COG6: variants seen among roughly 807,000 people sequenced by gnomAD.
The protein encoded by COG6 is component of oligomeric golgi complex 6, also known as conserved oligomeric Golgi complex subunit 6.
A neutral mutation model predicts 88.8 loss-of-function variants in COG6; 74 were observed. The observed-to-expected ratio is 0.83, with a 90% CI of 0.69 to 1.01. The LOEUF is 1.01. COG6 is among the 50% of genes least tolerant of loss of function. COG6 has a pLI of 0.00. For missense variants in COG6, 800 were observed against 797.9 expected (o/e 1.00, Z -0.03); for synonymous variants, 286 against 278.7 (o/e 1.03, Z -0.26).
chr13:39,713,328 C>T (rs1281265326), intron 13 of COG6, among the ~76,000 whole-genome samples: 1 of 152,166 alleles, frequency 6.6e-6, no homozygotes, highest in African/African-American at 2.4e-5. Flanking sequence ...TAGTATTTGG[C>T]CTCCACAGCC....
intron 18 of COG6, among the ~76,000 whole-genome samples, chr13:39,763,078 T>G (rs1173887907): frequency 6.6e-6 from 1 of 151,792 alleles, no homozygotes; most frequent in African/African-American, 2.4e-5. Flanking sequence ...ATGTGATGAA[T>G]TATATTTATA....
At chr13:39,694,100 G>T (rs1157462547) in intron 11 of COG6, among the ~76,000 whole-genome samples, 1 of 151,768 alleles carries the variant, frequency 6.6e-6, no homozygotes, top group Non-Finnish European at 1.5e-5. Context: ...AATTAATCTT[G>T]AACTAGATCT....
At chr13:39,681,164 T>C (rs961950386) in intron 7 of COG6, among the ~76,000 whole-genome samples, 1 of 152,240 alleles carries the variant, frequency 6.6e-6, no homozygotes, top group Non-Finnish European at 1.5e-5. Context: ...TGTTACCAAC[T>C]GACTGTTGGA....
rs953908896 is a variant in COG6, at chr13:39,665,226, C to A, written c.428+72C>A. The A allele has an allele frequency of 8.7e-6, 7 of 806,932 alleles. No individual in the cohort carries two copies. The Admixed American group carries it at 1.3e-4, about 15-fold the overall frequency. 50.0% of individuals were successfully genotyped at this position (806,932 alleles called of 1,614,324 possible). A position where few individuals can be genotyped will look rare whatever the true frequency, so the allele number is the denominator to read the frequency against. ...GAGTCAAAGAAAATTATATATAACT[C>A]CAAATCAGAATTAAAGCAGAATAAT... is the stretch of plus-strand genomic sequence containing the variant. On this transcript the variant is annotated intron_variant, in intron 4 of 18. Transcript: ENST00000455146.
Position 39,699,520 on chromosome 13 carries a change from G to T in COG6, c.1186G>T (p.Ala396Ser). Residue 396 changes from alanine to serine, a missense_variant, in exon 13 of 19, where the codon GCA becomes TCA. By Grantham distance (99) the Ala-to-Ser change is moderately conservative (BLOSUM62 1). Coordinates refer to ENST00000455146, the MANE Select transcript of COG6 (RefSeq NM_020751.3). ...HTISGIVGNS[A>S]TALLTTIEEM... ...TTTTAGTGGTATTGTTGGAAATAGT[G>T]CAACTGCATTATTGACTACCATTGA... 1 of 1,574,440 alleles carries T rather than the reference G, an allele frequency of 6.4e-7. No individual in the cohort carries two copies. The highest frequency in any genetic ancestry group is 8.7e-7 in the Non-Finnish European group (1 of 1,145,164).
At chr13:39,689,158 T>C (rs993639387) in intron 10 of COG6, among the ~76,000 whole-genome samples, 5 of 152,204 alleles carry the variant, frequency 3.3e-5, no homozygotes, top group African/African-American at 1.2e-4. Flanking sequence ...AGGAAGTAAA[T>C]AGACTGTAGT....
chr13:39,724,523 A>G lies in COG6; in HGVS notation c.1708A>G (p.Met570Val), dbSNP rs1211368734. 2 of 1,569,010 alleles carry G rather than the reference A, an allele frequency of 1.3e-6. No individual in the cohort carries two copies. Among genetic ancestry groups the G allele is most frequent in the East Asian group, 4.5e-5 (2 of 44,186 alleles). ...TTTTAAATAGGGCTCTTTAGCTAAT[A>G]TGCCCAACCTAGATTCTGTGACACT... ...HKPEQGSLAN[M>V]PNLDSVTLKA... Residue 570 changes from methionine to valine, a missense_variant, in exon 17 of 19, where the codon ATG becomes GTG. Coordinates refer to ENST00000455146, the MANE Select transcript of COG6 (RefSeq NM_020751.3).
chr13:39,684,591 AAGTAAGTT>A (rs1216353496), intron 8 of COG6, among the ~76,000 whole-genome samples: 1 of 152,120 alleles, frequency 6.6e-6, no homozygotes, highest in African/African-American at 2.4e-5. Context: ...TTGAGTAGGA[AAGTAAGTT>A]TTTAAGACCA....
At chr13:39,704,814 T>C (rs1262629871) in intron 13 of COG6, among the ~76,000 whole-genome samples, 1 of 152,182 alleles carries the variant, frequency 6.6e-6, no homozygotes, top group Non-Finnish European at 1.5e-5. Flanking sequence ...GTGAATGGGC[T>C]CTGATCATTA....
intron 2 of COG6, 117 bp downstream of exon 2, chr13:39,659,624 T>A: frequency 1.3e-6 from 1 of 784,056 alleles, no homozygotes; most frequent in Middle Eastern, 3.7e-4. Context: ...TATGCCCAAA[T>A]AGAAAGCTTA....
chr13:39,665,562 T>G (rs984794676), intron 4 of COG6, among the ~76,000 whole-genome samples: 4 of 152,226 alleles, frequency 2.6e-5, no homozygotes, highest in African/African-American at 9.7e-5. Flanking sequence ...CCTTGTAGTT[T>G]ATACAATAGG....
At chr13:39,731,551 T>C (rs1240351137) in intron 18 of COG6, among the ~76,000 whole-genome samples, 1 of 152,226 alleles carries the variant, frequency 6.6e-6, no homozygotes, top group Non-Finnish European at 1.5e-5. Context: ...CTTTGCTTAT[T>C]GAGTCACAGT....
chr13:39,687,856 C>T, intron 10 of COG6, 57 bp downstream of exon 10: 1 of 1,208,464 alleles, frequency 8.3e-7, no homozygotes, highest in Non-Finnish European at 1.2e-6. Flanking sequence ...ACAAGCATCT[C>T]TGTTTCTGTT....
intron 2 of COG6, 141 bp from the exon 3 acceptor site, chr13:39,660,669 C>T: frequency 1.6e-5 from 10 of 634,424 alleles, no homozygotes; most frequent in Non-Finnish European, 2.0e-5. Flanking sequence ...TAATCATTTC[C>T]AATTTTAAAT....
At chr13:39,663,817 G>A (rs1174082939) in intron 3 of COG6, among the ~76,000 whole-genome samples, 1 of 151,678 alleles carries the variant, frequency 6.6e-6, no homozygotes, top group Non-Finnish European at 1.5e-5. Context: ...GGGCCCAGGA[G>A]GTCAAGGCTG....
intron 18 of COG6, among the ~76,000 whole-genome samples, chr13:39,738,905 T>A (rs923503482): frequency 1.3e-5 from 2 of 152,160 alleles, no homozygotes; most frequent in African/African-American, 4.8e-5. Flanking sequence ...ACAGGATTGA[T>A]GAGGAGTAGC....
intron 18 of COG6, among the ~76,000 whole-genome samples, chr13:39,728,748 T>G (rs950749647): frequency 2.0e-5 from 3 of 151,884 alleles, no homozygotes; most frequent in Non-Finnish European, 2.9e-5. Flanking sequence ...CAGTGCAATC[T>G]CTGCCTCCCA....
intron 8 of COG6, among the ~76,000 whole-genome samples, chr13:39,682,825 C>A (rs1876393922): frequency 6.6e-6 from 1 of 151,610 alleles, no homozygotes; most frequent in African/African-American, 2.4e-5. Context: ...TAATTTTATT[C>A]TTTTAATTTT....
At position 39,730,866 on chromosome 13, in the gene COG6, G is replaced by A. The variant is rs143897160; in HGVS notation, c.1826+3318G>A. Among the ~76,000 whole-genome samples the A allele has an allele frequency of 2.2e-3, 331 of 149,830 alleles. 1 individual carries two copies. Among genetic ancestry groups the A allele is most frequent in the African/African-American group, 7.8e-3 (320 of 40,922 alleles). On this transcript the variant is annotated intron_variant, in intron 18 of 18. Transcript: ENST00000455146. The stretch of plus-strand genomic sequence containing the variant: ...AGACAGAGTCTGGCATTGTCACCCA[G>A]GCTGGAGTGCAGTGGCATAATCTCA...
Sources: gnomAD v4.1 joint callset for allele counts (sites outside exome capture counted in the v4.1 genomes callset) on GRCh38, gnomAD v4.1.1 for gene constraint, MANE v1.5 for transcripts, NCBI Gene and HGNC (gene_info 2026-07-23, HGNC 2026-07-21) for gene names.